The following FBXO4 variants were observed in gnomAD, a reference collection of about 807,000 sequenced individuals.
FBXO4 encodes the protein F-box protein 4.
In FBXO4, 36 loss-of-function variants were observed where a neutral mutation model predicts 43.7. The ratio of observed to expected loss-of-function variants is 0.82; its 90% CI spans 0.63 to 1.09. The LOEUF is 1.09. Among genes scored for constraint, FBXO4 ranks in the 50% least tolerant of loss-of-function variants. FBXO4 has a pLI of 0.00. For synonymous variants in FBXO4, 180 were observed against 165.6 expected (o/e 1.09, Z -0.67); for missense variants, 435 against 474.1 (o/e 0.92, Z 0.77).
chr5:41,945,996 T>C (rs1197002807), downstream of FBXO4, among the ~76,000 whole-genome samples: 4 of 152,358 alleles, frequency 2.6e-5, no homozygotes, highest in Non-Finnish European at 5.9e-5. Context: ...TGCATACAGA[T>C]GTTATGTTAC....
chr5:41,999,615 C>T, the FBXO4 span, among the ~76,000 whole-genome samples: 1 of 146,526 alleles, frequency 6.8e-6, no homozygotes, highest in Non-Finnish European at 1.5e-5. Context: ...CACAAGGTCC[C>T]ACAATAGGCT....
the FBXO4 span, among the ~76,000 whole-genome samples, chr5:42,014,555 G>A: frequency 4.6e-5 from 7 of 152,126 alleles, no homozygotes; most frequent in African/African-American, 1.7e-4. Context: ...GCCAATACTA[G>A]AGTTTCTTCT....
At chr5:41,956,583 T>G in the FBXO4 span, among the ~76,000 whole-genome samples, 11 of 152,286 alleles carry the variant, frequency 7.2e-5, no homozygotes, top group Admixed American at 2.6e-4. Flanking sequence ...GGATATAGAT[T>G]TACAGACTAA....
chr5:41,945,416 A>G (rs529152068), downstream of FBXO4, among the ~76,000 whole-genome samples: 18 of 152,354 alleles, frequency 1.2e-4, no homozygotes, highest in East Asian at 2.1e-3. Flanking sequence ...CTATTTTTGT[A>G]GGGAGACCCC....
the FBXO4 span, among the ~76,000 whole-genome samples, chr5:42,019,047 G>A: frequency 6.6e-6 from 1 of 152,094 alleles, no homozygotes; most frequent in Non-Finnish European, 1.5e-5. Flanking sequence ...CTTAAAATGA[G>A]ATTAGTTTAA....
the FBXO4 span, among the ~76,000 whole-genome samples, chr5:41,985,599 G>T: frequency 6.6e-5 from 10 of 152,154 alleles, no homozygotes; most frequent in Admixed American, 6.5e-4. Flanking sequence ...TAGAGTCTGT[G>T]CAGGAGAGAG....
downstream of FBXO4, among the ~76,000 whole-genome samples, chr5:41,946,135 A>G (rs967034269): frequency 6.6e-6 from 1 of 152,188 alleles, no homozygotes; most frequent in African/African-American, 2.4e-5. Context: ...TGTTGGCACC[A>G]TGGGACCAAA....
chr5:41,975,272 C>T, the FBXO4 span, among the ~76,000 whole-genome samples: 4 of 152,186 alleles, frequency 2.6e-5, no homozygotes, highest in Non-Finnish European at 4.4e-5. Context: ...CTCATCTCTT[C>T]CTGCTGGAAT....
At chr5:41,997,721 C>A in the FBXO4 span, among the ~76,000 whole-genome samples, 1 of 152,144 alleles carries the variant, frequency 6.6e-6, no homozygotes, top group African/African-American at 2.4e-5. Flanking sequence ...CAGCTCAGAG[C>A]CAGTGTCCAG....
At chr5:42,001,059 C>T in the FBXO4 span, among the ~76,000 whole-genome samples, 1,140 of 152,190 alleles carry the variant, frequency 7.5e-3, 6 homozygotes, top group Middle Eastern at 0.027. Flanking sequence ...GTTATTAAGG[C>T]TCTTTTGTGT....
the FBXO4 span, among the ~76,000 whole-genome samples, chr5:42,005,487 C>A: frequency 3.9e-5 from 6 of 152,138 alleles, no homozygotes; most frequent in Non-Finnish European, 8.8e-5. Flanking sequence ...TTTTTCCTTT[C>A]TCCACAAGTT....
the FBXO4 span, among the ~76,000 whole-genome samples, chr5:41,966,846 G>A: frequency 2.6e-5 from 4 of 152,218 alleles, no homozygotes; most frequent in Admixed American, 2.6e-4. Flanking sequence ...TTTAACAGAG[G>A]TGGCTTGACA....
chr5:41,950,054 A>G, the FBXO4 span, among the ~76,000 whole-genome samples: 5 of 152,228 alleles, frequency 3.3e-5, no homozygotes, highest in Non-Finnish European at 7.3e-5. Flanking sequence ...CACCTTATAC[A>G]AAAATTAACT....
the FBXO4 span, among the ~76,000 whole-genome samples, chr5:42,010,709 C>A: frequency 2.6e-5 from 4 of 151,918 alleles, no homozygotes; most frequent in Admixed American, 2.0e-4. Context: ...TAGGTATATA[C>A]CCTGAAGTAA....
the FBXO4 span, among the ~76,000 whole-genome samples, chr5:41,959,817 T>C: frequency 6.6e-6 from 1 of 152,182 alleles, no homozygotes; most frequent in Non-Finnish European, 1.5e-5. Context: ...CTTTGTTCTT[T>C]TTGCTCAATA....
At position 41,939,323 on chromosome 5, in the gene FBXO4, C is replaced by T. The variant is rs957633134; in HGVS notation, c.899-118C>T. The stretch of plus-strand genomic sequence containing the variant: ...GAAGAGTACTGTGATTTTTTTCCCT[C>T]AGTTTATGTTTGGATCCTGGTAAAT... On this transcript the variant is annotated intron_variant, in intron 5 of 6. Coordinates refer to ENST00000281623, the MANE Select transcript of FBXO4 (RefSeq NM_012176.3). 10 of 861,900 alleles carry T rather than the reference C, an allele frequency of 1.2e-5. No individual in the cohort carries two copies. The African/African-American group carries it at 1.2e-4, about 10-fold the overall frequency. The allele number at this position is 861,900 out of a possible 1,614,324, so 53.4% of individuals were successfully genotyped here.
At chr5:41,933,514 GC>G (rs199538779) in intron 3 of FBXO4, among the ~76,000 whole-genome samples, 5 of 151,626 alleles carry the variant, frequency 3.3e-5, no homozygotes, top group South Asian at 2.1e-4. Context: ...CACTGTGCCT[GC>G]CCCCCCCATC....
At chr5:41,985,541 T>A in the FBXO4 span, among the ~76,000 whole-genome samples, 1 of 152,076 alleles carries the variant, frequency 6.6e-6, no homozygotes, top group Non-Finnish European at 1.5e-5. Context: ...GAAAAGAAAA[T>A]TTTCAGGTTT....
the FBXO4 span, among the ~76,000 whole-genome samples, chr5:41,991,692 T>C: frequency 2.0e-5 from 3 of 152,354 alleles, no homozygotes; most frequent in East Asian, 1.9e-4. Flanking sequence ...CTCTGCCTTT[T>C]AACTCACAGA....
Sources: allele counts gnomAD v4.1 joint callset (sites outside exome capture counted in the v4.1 genomes callset), GRCh38; gene constraint gnomAD v4.1.1; transcripts MANE v1.5; gene names NCBI Gene and HGNC (gene_info 2026-07-23, HGNC 2026-07-21).